The following ADAMTSL1 variants were observed in gnomAD, a reference collection of about 807,000 sequenced individuals.
ADAMTSL1 encodes ADAMTS like 1.
ADAMTSL1 carries 126 observed loss-of-function variants against 201.8 expected under a neutral mutation model. The ratio of observed to expected loss-of-function variants is 0.62; its 90% CI spans 0.54 to 0.72. ADAMTSL1 has a LOEUF of 0.72. Among genes scored for constraint, ADAMTSL1 ranks in the 30% least tolerant of loss-of-function variants. ADAMTSL1 has a pLI of 0.00. For synonymous variants in ADAMTSL1, 1,121 were observed against 903.4 expected (o/e 1.24, Z -4.32); for missense variants, 2,679 against 2,277.8 (o/e 1.18, Z -3.59).
chr9:18,108,801 A>G (rs528649205), intron 1 of ADAMTSL1, among the ~76,000 whole-genome samples: 2 of 151,806 alleles, frequency 1.3e-5, no homozygotes, highest in Non-Finnish European at 2.9e-5. Flanking sequence ...TTCAATGTGT[A>G]ATTATTTATC....
intron 23 of ADAMTSL1, among the ~76,000 whole-genome samples, chr9:18,882,476 G>A (rs1249499584): frequency 6.6e-6 from 1 of 152,066 alleles, no homozygotes; most frequent in Admixed American, 6.6e-5. Flanking sequence ...GGCTTTTATT[G>A]GAAAATGGAA....
At chr9:17,986,573 A>T (rs1031730144) in intron 1 of ADAMTSL1, among the ~76,000 whole-genome samples, 14 of 152,246 alleles carry the variant, frequency 9.2e-5, no homozygotes, top group Non-Finnish European at 1.8e-4. Flanking sequence ...GGTAAGACAC[A>T]TGCTCAAGTT....
chr9:18,349,251 C>G (rs1835856440), intron 2 of ADAMTSL1, among the ~76,000 whole-genome samples: 1 of 152,128 alleles, frequency 6.6e-6, no homozygotes, highest in Non-Finnish European at 1.5e-5. Flanking sequence ...CATGGGTGAA[C>G]TTGGAAAACA....
At chr9:17,918,763 A>T (rs770954224) in intron 1 of ADAMTSL1, among the ~76,000 whole-genome samples, 2 of 151,850 alleles carry the variant, frequency 1.3e-5, no homozygotes, top group Non-Finnish European at 3.0e-5. Flanking sequence ...TCAATTATTG[A>T]GAAAGGGATA....
intron 2 of ADAMTSL1, among the ~76,000 whole-genome samples, chr9:18,528,584 C>T (rs954668165): frequency 2.0e-5 from 3 of 152,124 alleles, no homozygotes; most frequent in Admixed American, 6.6e-5. Context: ...ATATGGACCA[C>T]ATTTTCTTTT....
At chr9:18,389,055 C>T (rs1477737971) in intron 2 of ADAMTSL1, among the ~76,000 whole-genome samples, 1 of 152,042 alleles carries the variant, frequency 6.6e-6, no homozygotes, top group African/African-American at 2.4e-5. Flanking sequence ...GCAACCAGTC[C>T]TAATAGCATT....
At chr9:18,162,561 T>C (rs1827440382) in intron 1 of ADAMTSL1, among the ~76,000 whole-genome samples, 1 of 152,018 alleles carries the variant, frequency 6.6e-6, no homozygotes, top group Non-Finnish European at 1.5e-5. Context: ...CTTGGTATCA[T>C]ATGAAAGTAT....
chr9:17,923,372 G>C (rs1350685412), intron 1 of ADAMTSL1, among the ~76,000 whole-genome samples: 2 of 138,402 alleles, frequency 1.4e-5, no homozygotes, highest in Non-Finnish European at 3.1e-5. Flanking sequence ...TTGTAAGTTG[G>C]ATTCCTAGGT....
At chr9:18,868,543 C>T (rs1202583810) in intron 23 of ADAMTSL1, among the ~76,000 whole-genome samples, 1 of 152,190 alleles carries the variant, frequency 6.6e-6, no homozygotes. Context: ...TCTGGGGTCT[C>T]TATTAAATGC....
intron 20 of ADAMTSL1, among the ~76,000 whole-genome samples, chr9:18,797,578 A>G (rs1463872284): frequency 6.6e-6 from 1 of 152,196 alleles, no homozygotes; most frequent in Non-Finnish European, 1.5e-5. Flanking sequence ...AGTAGGTTAT[A>G]AGATATAATC....
At chr9:18,375,304 G>A (rs911911545) in intron 2 of ADAMTSL1, among the ~76,000 whole-genome samples, 2 of 152,116 alleles carry the variant, frequency 1.3e-5, no homozygotes, top group Non-Finnish European at 2.9e-5. Flanking sequence ...GTCATATCCT[G>A]TAACTGATTA....
chr9:18,726,388 G>A (rs948058643), intron 15 of ADAMTSL1, among the ~76,000 whole-genome samples: 1 of 151,010 alleles, frequency 6.6e-6, no homozygotes, highest in Non-Finnish European at 1.5e-5. Context: ...GGGGGTGCCT[G>A]TAGTCATAGC....
At chr9:18,893,449 C>T (rs2131567529) in intron 26 of ADAMTSL1, among the ~76,000 whole-genome samples, 1 of 152,276 alleles carries the variant, frequency 6.6e-6, no homozygotes, top group Non-Finnish European at 1.5e-5. Flanking sequence ...AAAATTCACC[C>T]CCTCCTCCTC....
chr9:17,918,490 A>G (rs899114283), intron 1 of ADAMTSL1, among the ~76,000 whole-genome samples: 2 of 151,868 alleles, frequency 1.3e-5, no homozygotes, highest in African/African-American at 2.4e-5. Flanking sequence ...GTGTGATTAG[A>G]TGACACACTT....
At chr9:18,507,002 C>A (rs1817703635) in intron 2 of ADAMTSL1, among the ~76,000 whole-genome samples, 2 of 152,238 alleles carry the variant, frequency 1.3e-5, no homozygotes, top group African/African-American at 4.8e-5. Context: ...TCTAGTCATT[C>A]TTTAGCAAAT....
intron 2 of ADAMTSL1, among the ~76,000 whole-genome samples, chr9:18,514,327 C>A (rs200402700): frequency 1.0e-5 from 1 of 100,104 alleles, no homozygotes. Flanking sequence ...ATTTTTCTTT[C>A]TTTTTTTTTT....
chr9:18,041,659 G>A (rs1007672531), intron 1 of ADAMTSL1, among the ~76,000 whole-genome samples: 2 of 152,154 alleles, frequency 1.3e-5, no homozygotes, highest in South Asian at 4.1e-4. Context: ...AATTTGTGGT[G>A]TGTGTATATT....
chr9:18,191,263 T>C (rs1828957285), intron 2 of ADAMTSL1, among the ~76,000 whole-genome samples: 1 of 152,052 alleles, frequency 6.6e-6, no homozygotes, highest in South Asian at 2.1e-4. Flanking sequence ...CTATGCACCC[T>C]CTGAAAAATT....
intron 1 of ADAMTSL1, among the ~76,000 whole-genome samples, chr9:18,495,343 C>A (rs552389727): frequency 2.0e-5 from 3 of 152,196 alleles, no homozygotes; most frequent in Admixed American, 1.3e-4. Context: ...AGGGTAGTGA[C>A]CTCTGAGACT....
Sources: gnomAD v4.1 joint callset for allele counts (sites outside exome capture counted in the v4.1 genomes callset) on GRCh38, gnomAD v4.1.1 for gene constraint, MANE v1.5 for transcripts, NCBI Gene and HGNC (gene_info 2026-07-23, HGNC 2026-07-21) for gene names.